VAC14: variants seen among roughly 807,000 people sequenced by gnomAD.
The protein encoded by VAC14 is protein VAC14 homolog.
In VAC14, 47 loss-of-function variants were observed where a neutral mutation model predicts 85.3. The ratio of observed to expected loss-of-function variants is 0.55; its 90% CI spans 0.44 to 0.70. The LOEUF (loss-of-function observed/expected upper bound fraction) is 0.70, where lower values mean the gene tolerates loss of function less well. Among genes scored for constraint, VAC14 ranks in the 30% least tolerant of loss-of-function variants. The probability of loss-of-function intolerance (pLI) is 0.00; values close to 1 mark genes in which losing one functional copy is unlikely to be tolerated. For synonymous variants in VAC14, 447 were observed against 430.5 expected (o/e 1.04, Z -0.47); for missense variants, 861 against 1,004.3 (o/e 0.86, Z 1.93).
chr16:70,696,481 C>G (rs1272233143), intron 16 of VAC14, among the ~76,000 whole-genome samples: 1 of 152,234 alleles, frequency 6.6e-6, no homozygotes, highest in Non-Finnish European at 1.5e-5. Flanking sequence ...CCACTGCACT[C>G]CAGCTTGGGT....
chr16:70,744,664 G>A (rs972315744), intron 12 of VAC14, 85 bp from the exon 13 acceptor site: 5 of 1,475,636 alleles, frequency 3.4e-6, no homozygotes, highest in African/African-American at 1.4e-5. Flanking sequence ...GTGGCACACA[G>A]CCACCTGCAG....
intron 14 of VAC14, among the ~76,000 whole-genome samples, chr16:70,721,474 A>G (rs956731924): frequency 6.6e-5 from 10 of 152,002 alleles, no homozygotes; most frequent in African/African-American, 2.4e-4. Flanking sequence ...GGAGGAGAAG[A>G]GAAGGAAGAG....
Position 70,762,670 on chromosome 16 carries a change from A to T in VAC14, c.1306-65T>A. The T allele has an allele frequency of 1.9e-6, 3 of 1,562,130 alleles. No homozygotes were observed. The South Asian group carries it at 3.4e-5, about 18-fold the overall frequency. The stretch of plus-strand genomic sequence containing the variant: ...TTCGCCCCGGGACTACGTGCAGTGC[A>T]GTGTCCCGCTGGTGTGCACGGACCC... On this transcript the variant is annotated intron_variant, in intron 11 of 18. Coordinates refer to ENST00000261776, the MANE Select transcript of VAC14 (RefSeq NM_018052.5). This position sits in a 1 kb window ranked among gnomAD's most constrained non-coding sequence, Gnocchi z 4.1.
chr16:70,772,040 C>T, intron 10 of VAC14, 69 bp downstream of exon 10: 1 of 1,469,730 alleles, frequency 6.8e-7, no homozygotes, highest in Non-Finnish European at 9.5e-7. Flanking sequence ...TTGCTGTAGT[C>T]TCCCGCATCC....
intron 14 of VAC14, among the ~76,000 whole-genome samples, chr16:70,710,388 G>C (rs1007939806): frequency 2.0e-5 from 3 of 152,200 alleles, no homozygotes; most frequent in Non-Finnish European, 2.9e-5. Context: ...TCTTGGGACG[G>C]GTAATGGAAA....
At chr16:70,793,120 A>G (rs912102750) in intron 1 of VAC14, among the ~76,000 whole-genome samples, 1 of 152,162 alleles carries the variant, frequency 6.6e-6, no homozygotes, top group African/African-American at 2.4e-5. Flanking sequence ...TAAGGCCCCC[A>G]AGTGAAACGT....
chr16:70,772,482 C>T lies in VAC14; in HGVS notation c.1097-310G>A, dbSNP rs116631494. ...GGATGTTTAAAATGACAGATAATAC[C>T]CAGCATCCTTAGCTATCAGGAAAAT... On this transcript the variant is annotated intron_variant, in intron 9 of 18. Transcript: ENST00000261776. 807 of 301,208 alleles carry T rather than the reference C, an allele frequency of 2.7e-3. 5 individuals carry two copies. The highest frequency in any genetic ancestry group is 0.016 in the African/African-American group (776 of 47,034). The allele number at this position is 301,208 out of a possible 1,614,324, so 18.7% of individuals were successfully genotyped here. A position where few individuals can be genotyped will look rare whatever the true frequency, so the allele number is the denominator to read the frequency against.
At chr16:70,775,557 G>A (rs2033475934) in intron 9 of VAC14, among the ~76,000 whole-genome samples, 1 of 152,174 alleles carries the variant, frequency 6.6e-6, no homozygotes, top group Admixed American at 6.5e-5. Flanking sequence ...GACCCAGGAC[G>A]CAGCTCAGAG....
chr16:70,792,884 C>T (rs1311778716), intron 1 of VAC14, among the ~76,000 whole-genome samples: 9 of 152,184 alleles, frequency 5.9e-5, no homozygotes, highest in Admixed American at 1.3e-4. Context: ...TCAGTTATTC[C>T]CGACGATACC....
In VAC14 at chr16:70,785,720, G is replaced by A. The variant is rs753269685; in HGVS notation, c.405C>T (p.Leu135=). The A allele has an allele frequency of 1.9e-6, 3 of 1,563,778 alleles. No homozygotes were observed. Among genetic ancestry groups the A allele is most frequent in the East Asian group, 2.4e-5 (1 of 42,470 alleles). ...RGAVLPHFNV[L]FDGLSKLAAD... is the part of the protein sequence containing the mutation. ...CGGTTACCTTGCTCAGCCCGTCAAAGAGCACGTTGAAGTGGGGCAGCACAG... is the reference window on the plus strand; with the variant it reads ...CGGTTACCTTGCTCAGCCCGTCAAAAAGCACGTTGAAGTGGGGCAGCACAG... Residue 135 remains leucine, a synonymous_variant, in exon 3 of 19, where the codon CTC becomes CTT. Coordinates refer to ENST00000261776, the MANE Select transcript of VAC14 (RefSeq NM_018052.5).
intron 16 of VAC14, among the ~76,000 whole-genome samples, chr16:70,696,422 A>C (rs1321430802): frequency 5.9e-5 from 9 of 152,206 alleles, no homozygotes; most frequent in Non-Finnish European, 1.3e-4. Context: ...CTGAGGCAGG[A>C]GAATCACTTA....
chr16:70,786,186 T>C (rs761171774), intron 2 of VAC14, 29 bp downstream of exon 2: 26 of 1,610,070 alleles, frequency 1.6e-5, no homozygotes, highest in Non-Finnish European at 2.0e-5. Flanking sequence ...CCAGGACTGG[T>C]ATGTCTGTCC....
intron 14 of VAC14, among the ~76,000 whole-genome samples, chr16:70,726,537 G>A (rs1181670335): frequency 2.0e-5 from 3 of 152,182 alleles, no homozygotes; most frequent in Admixed American, 6.5e-5. Context: ...ACTATGACAC[G>A]GCAGGCACTA....
At chr16:70,692,308 C>G (rs962181758) in intron 18 of VAC14, among the ~76,000 whole-genome samples, 4 of 151,718 alleles carry the variant, frequency 2.6e-5, no homozygotes, top group Non-Finnish European at 5.9e-5. Context: ...CACCCCACCC[C>G]GGAAGTGGCT....
intron 14 of VAC14, chr16:70,731,165 G>T: frequency 1.7e-6 from 1 of 572,460 alleles, no homozygotes; most frequent in Non-Finnish European, 2.3e-6. Flanking sequence ...CATGTCCCAC[G>T]CCATCTGGCT....
chr16:70,790,810 C>T (rs1034291721), intron 1 of VAC14, among the ~76,000 whole-genome samples: 1 of 152,184 alleles, frequency 6.6e-6, no homozygotes, highest in Admixed American at 6.5e-5. Flanking sequence ...GGCCCTGTGG[C>T]CCCAGGAACT....
At chr16:70,744,670 T>A (rs753911041) in intron 12 of VAC14, 91 bp from the exon 13 acceptor site, 6 of 1,444,800 alleles carry the variant, frequency 4.2e-6, no homozygotes, top group Non-Finnish European at 4.6e-6. Flanking sequence ...CACAGCCACC[T>A]GCAGGGGTGG....
chr16:70,748,322 T>A (rs890943638), intron 12 of VAC14, among the ~76,000 whole-genome samples: 2 of 152,198 alleles, frequency 1.3e-5, no homozygotes, highest in South Asian at 4.1e-4. Flanking sequence ...AGGCTCTGCC[T>A]TCAGTGAGGT....
At chr16:70,696,937 C>T (rs1275361616) in intron 16 of VAC14, 10 of 527,170 alleles carry the variant, frequency 1.9e-5, no homozygotes, top group Admixed American at 6.1e-5. Flanking sequence ...AAGAGCCCCT[C>T]TTTGCTGCCA....
Sources: allele counts gnomAD v4.1 joint callset (sites outside exome capture counted in the v4.1 genomes callset), GRCh38; gene constraint gnomAD v4.1.1; non-coding constraint Gnocchi (gnomAD v3.1); transcripts MANE v1.5; gene names NCBI Gene and HGNC (gene_info 2026-07-23, HGNC 2026-07-21).